The following NOL11 variants were observed in gnomAD, a reference collection of about 807,000 sequenced individuals.
NOL11 encodes nucleolar protein 11.
In NOL11, 42 loss-of-function variants were observed where a neutral mutation model predicts 93.0. The observed-to-expected ratio is 0.45, with a 90% CI of 0.35 to 0.58. NOL11 has a LOEUF of 0.58. Among genes scored for constraint, NOL11 ranks in the 20% least tolerant of loss-of-function variants. The pLI, the probability that NOL11 is intolerant of heterozygous loss-of-function variation, is 0.00. For synonymous variants in NOL11, 296 were observed against 293.7 expected, an observed-to-expected ratio of 1.01 and a Z score of -0.08; for missense variants, 775 against 841.8, an observed-to-expected ratio of 0.92 and a Z score of 0.98.
chr17:67,720,530 A>C (rs2043210705), intron 3 of NOL11: 1 of 152,192 alleles, frequency 6.6e-6, no homozygotes, highest in Admixed American at 6.6e-5. Flanking sequence ...TGAACTCCTG[A>C]CCTCAGATGA....
chr17:67,737,771 CT>C, intron 12 of NOL11, 75 bp from the exon 13 acceptor site: 1 of 1,581,068 alleles, frequency 6.3e-7, no homozygotes, highest in East Asian at 2.2e-5. Context: ...TTCTGAAACT[CT>C]CAAAAGGCTT....
chr17:67,743,915 C>CCTGGATGAAGCAAGAG lies in NOL11; in HGVS notation c.*56_*57insCTGGATGAAGCAAGAG. On this transcript the variant is annotated 3_prime_UTR_variant, in exon 18 of 18. Coordinates refer to ENST00000253247, the MANE Select transcript of NOL11 (RefSeq NM_015462.5). ...TAAAGCTCTTTTATGTGAACTCTTG[C>CCTGGATGAAGCAAGAG]TTCATCCAGGCAAGAACGGTGTTTT... is the stretch of plus-strand genomic sequence containing the variant. The CCTGGATGAAGCAAGAG allele has an allele frequency of 3.3e-6, 3 of 902,154 alleles. No homozygotes were observed. Among genetic ancestry groups the CCTGGATGAAGCAAGAG allele is most frequent in the Non-Finnish European group, 5.2e-6 (3 of 581,230 alleles). The allele number at this position is 902,154 out of a possible 1,614,324, so 55.9% of individuals were successfully genotyped here.
At position 67,736,816 on chromosome 17, in the gene NOL11, ATTATT is replaced by A. The variant is rs377350346; in HGVS notation, c.1143+66_1143+70del. ...ATGTTGAAAAACAGAAAAAGACTGA[ATTATT>A]TTAATGAATCATATCCTTACAACTC... On this transcript the variant is annotated intron_variant, in intron 10 of 17. Coordinates refer to ENST00000253247, the MANE Select transcript of NOL11 (RefSeq NM_015462.5). 1,016 of 1,181,980 alleles carry A rather than the reference ATTATT, an allele frequency of 8.6e-4. 5 individuals carry two copies. The highest frequency in any genetic ancestry group is 2.3e-3 in the East Asian group (95 of 41,094). The allele number at this position is 1,181,980 out of a possible 1,614,324, so 73.2% of individuals were successfully genotyped here.
chr17:67,737,356 C>A, intron 11 of NOL11, 152 bp from the exon 12 acceptor site: 1 of 733,226 alleles, frequency 1.4e-6, no homozygotes. Context: ...GGTCTTATCT[C>A]TTTCTCATTT....
chr17:67,735,848 T>C (rs1452439644), intron 8 of NOL11, 52 bp from the exon 9 acceptor site: 4 of 1,494,938 alleles, frequency 2.7e-6, no homozygotes, highest in African/African-American at 1.4e-5. Flanking sequence ...TATTGAGTCA[T>C]ACCTTAGAAG....
intron 7 of NOL11, among the ~76,000 whole-genome samples, chr17:67,731,820 C>G (rs575743641): frequency 1.3e-5 from 2 of 152,174 alleles, no homozygotes; most frequent in Non-Finnish European, 2.9e-5. Flanking sequence ...CCCTAGATGA[C>G]TCTCAATCTA....
At chr17:67,723,672 C>T (rs2055057544) in intron 5 of NOL11, among the ~76,000 whole-genome samples, 1 of 151,770 alleles carries the variant, frequency 6.6e-6, no homozygotes, top group Admixed American at 6.6e-5. Flanking sequence ...CAGGTGTGAA[C>T]CACCAAGCCC....
intron 5 of NOL11, among the ~76,000 whole-genome samples, chr17:67,722,860 T>C (rs2043228913): frequency 6.6e-6 from 1 of 152,020 alleles, no homozygotes; most frequent in Non-Finnish European, 1.5e-5. Flanking sequence ...CTGGCTTATG[T>C]TTTATTTTTT....
intron 7 of NOL11, among the ~76,000 whole-genome samples, chr17:67,729,663 C>T (rs2055133188): frequency 6.6e-6 from 1 of 152,074 alleles, no homozygotes; most frequent in Non-Finnish European, 1.5e-5. Flanking sequence ...ACTGCAAGCT[C>T]CGCCCCCCGG....
chr17:67,726,388 C>T, intron 6 of NOL11, 72 bp from the exon 7 acceptor site: 2 of 1,246,314 alleles, frequency 1.6e-6, no homozygotes, highest in South Asian at 1.7e-5. Context: ...TTATAAACAA[C>T]CTAGTACATT....
Position 67,735,957 on chromosome 17 carries a change from C to T in NOL11, c.988C>T (p.Pro330Ser). Residue 330 changes from proline (P) to serine (S), a missense_variant, in exon 9 of 18, where the codon CCA becomes TCA. Transcript: ENST00000253247. Reference protein sequence around the residue: ...MLHGKSLTVIPYKCEVSSLAG... With the variant: ...MLHGKSLTVISYKCEVSSLAG... The stretch of plus-strand genomic sequence containing the variant: ...ACATGGAAAATCTCTAACTGTGATT[C>T]CATACAAGTGTGAAGTGTCATCATT... 6.2e-7 allele frequency: 1 copy of T among 1,611,508 alleles called. No homozygotes were observed. The highest frequency in any genetic ancestry group is 8.5e-7 in the Non-Finnish European group (1 of 1,178,142).
intron 15 of NOL11, 39 bp downstream of exon 15, chr17:67,739,049 G>C: frequency 7.3e-7 from 1 of 1,371,060 alleles, no homozygotes; most frequent in Non-Finnish European, 1.0e-6. Flanking sequence ...TTTACTTCTG[G>C]TTTAAATATT....
chr17:67,738,653 G>A (rs915449072), intron 14 of NOL11: 3 of 450,948 alleles, frequency 6.7e-6, no homozygotes, highest in East Asian at 3.6e-5. Flanking sequence ...GCAACATGGC[G>A]AGACCCCCAT....
Position 67,719,697 on chromosome 17 carries a change from G to A in NOL11, c.165G>A (p.Gly55=), listed in dbSNP as rs2043202896. 6.2e-7 allele frequency: 1 copy of A among 1,602,546 alleles called. No individual in the cohort carries two copies. The highest frequency in any genetic ancestry group is 1.3e-5 in the African/African-American group (1 of 74,702). The change falls in exon 2 of 18, where the codon GGG becomes GGA. Residue 55 remains glycine, a synonymous_variant. Transcript: ENST00000253247. ...AGGTTTCTGATCAGAAACCCTTGGG[G>A]AGCTGGTCAGTGAAACAAGGTCAAA... ...LYKVSDQKPL[G]SWSVKQGQII...
chr17:67,728,444 G>T (rs924881727), intron 7 of NOL11, among the ~76,000 whole-genome samples: 1 of 152,054 alleles, frequency 6.6e-6, no homozygotes, highest in Non-Finnish European at 1.5e-5. Context: ...GATTCAACCC[G>T]AACAGGTGAA....
chr17:67,742,084 T>A (rs1044445350), intron 16 of NOL11, among the ~76,000 whole-genome samples: 2 of 152,218 alleles, frequency 1.3e-5, no homozygotes, highest in Non-Finnish European at 2.9e-5. Context: ...TTGAATACAT[T>A]CCCACAAGAG....
At chr17:67,719,983 A>G in intron 3 of NOL11, 21 bp downstream of exon 3, 1 of 1,536,834 alleles carries the variant, frequency 6.5e-7, no homozygotes, top group Non-Finnish European at 8.8e-7. Flanking sequence ...GAATTTTCCA[A>G]CATATTTGTT....
intron 9 of NOL11, 43 bp from the exon 10 acceptor site, chr17:67,736,623 A>T (rs956727962): frequency 1.5e-6 from 2 of 1,312,432 alleles, no homozygotes; most frequent in African/African-American, 2.9e-5. Context: ...GGCAAAAAGT[A>T]AGTCAAAACA....
intron 14 of NOL11, 104 bp downstream of exon 14, chr17:67,738,459 T>G: frequency 1.4e-6 from 1 of 714,908 alleles, no homozygotes; most frequent in Non-Finnish European, 2.3e-6. Context: ...TTTTCTTTCC[T>G]TTTCCAATTG....
Sources: allele counts gnomAD v4.1 joint callset (sites outside exome capture counted in the v4.1 genomes callset), GRCh38; gene constraint gnomAD v4.1.1; transcripts MANE v1.5; gene names NCBI Gene and HGNC (gene_info 2026-07-23, HGNC 2026-07-21).